The following DUSP22 variants were observed in gnomAD, a reference collection of about 807,000 sequenced individuals.
DUSP22 encodes the protein dual specificity protein phosphatase 22.
DUSP22 carries 24 observed loss-of-function variants against 24.5 expected under a neutral mutation model. The observed-to-expected ratio is 0.98, with a 90% CI of 0.71 to 1.38. DUSP22 has a LOEUF of 1.38. DUSP22 is among the 40% of genes most tolerant of loss of function. DUSP22 has a pLI of 0.00. For synonymous variants in DUSP22, 160 were observed against 106.4 expected (o/e 1.50, Z -3.10); for missense variants, 330 against 269.2 (o/e 1.23, Z -1.58).
In DUSP22 at chr6:348,113, G is replaced by A. The variant is rs759847282; in HGVS notation, c.274G>A (p.Val92Ile). 14 of 1,614,114 alleles carry A rather than the reference G, an allele frequency of 8.7e-6. No homozygotes were observed. The African/African-American group carries it at 1.3e-4, about 15-fold the overall frequency. ...CTCTTGGCCCCGCAGCCTGGCCGGG[G>A]TCTCCAGGAGCGTGACACTGGTGAT... is the stretch of plus-strand genomic sequence containing the variant. The part of the protein sequence containing the change: ...ESCLVHCLAG[V>I]SRSVTLVIAY... Residue 92 changes from valine (V) to isoleucine (I), a missense_variant, in exon 6 of 7, where the codon GTC (valine) becomes ATC (isoleucine). Val to Ile is a conservative substitution (Grantham distance 29). Coordinates refer to ENST00000419235, the MANE Select transcript of DUSP22 (RefSeq NM_001286555.3).
chr6:312,936 C>G lies in DUSP22; in HGVS notation c.138+974C>G, dbSNP rs549588835. ...CAATTAATTTCTCCAGATCTCCGAG[C>G]TCCTACTTCCTTGTATTGTTTAGCT... is the stretch of plus-strand genomic sequence containing the variant. On this transcript the variant is annotated intron_variant, in intron 3 of 6. Transcript: ENST00000419235. 4.6e-5 allele frequency among the ~76,000 whole-genome samples: 7 copies of G among 152,244 alleles called. No homozygotes were observed. In the East Asian group the frequency reaches 1.4e-3, roughly 29 times the overall value.
At chr6:311,179 G>A (rs1166256879) in intron 2 of DUSP22, among the ~76,000 whole-genome samples, 2 of 152,082 alleles carry the variant, frequency 1.3e-5, no homozygotes, top group African/African-American at 4.8e-5. Flanking sequence ...GAACTATGAT[G>A]TATGGCATTT....
At chr6:311,995 C>T in intron 3 of DUSP22, 33 bp downstream of exon 3, 1 of 1,597,024 alleles carries the variant, frequency 6.3e-7, no homozygotes, top group Non-Finnish European at 8.5e-7. Flanking sequence ...GTGTGGGTGT[C>T]CTCATTTGTA....
chr6:333,194 G>A (rs979223767), intron 3 of DUSP22, among the ~76,000 whole-genome samples: 8 of 152,306 alleles, frequency 5.3e-5, no homozygotes, highest in African/African-American at 1.7e-4. Flanking sequence ...ACAGAGACAG[G>A]AGGAGGCAAC....
chr6:327,325 C>T (rs1168776443), intron 3 of DUSP22, among the ~76,000 whole-genome samples: 7 of 152,308 alleles, frequency 4.6e-5, no homozygotes, highest in Non-Finnish European at 1.0e-4. Flanking sequence ...CCATTTACAG[C>T]TGGAGGAGAG....
chr6:328,406 A>AT (rs2127408843), intron 3 of DUSP22, among the ~76,000 whole-genome samples: 1 of 152,424 alleles, frequency 6.6e-6, no homozygotes, highest in East Asian at 1.9e-4. Context: ...TTGCACTGAA[A>AT]TATCTTGAAC....
At chr6:327,947 T>C (rs1758961582) in intron 3 of DUSP22, among the ~76,000 whole-genome samples, 1 of 152,296 alleles carries the variant, frequency 6.6e-6, no homozygotes, top group East Asian at 1.9e-4. Context: ...GGACAGATGC[T>C]GAAGCACTGT....
At chr6:304,529 T>C in intron 1 of DUSP22, 99 bp from the exon 2 acceptor site, 1 of 1,559,424 alleles carries the variant, frequency 6.4e-7, no homozygotes, top group Non-Finnish European at 8.8e-7. Flanking sequence ...GGGAAGCACC[T>C]GGCCTTTGCA....
At chr6:327,127 C>T (rs949001379) in intron 3 of DUSP22, among the ~76,000 whole-genome samples, 8 of 152,430 alleles carry the variant, frequency 5.2e-5, no homozygotes, top group East Asian at 1.9e-4. Context: ...CCCTGGGCTT[C>T]GCTGTTGGGC....
chr6:320,534 T>G (rs1177211353), intron 3 of DUSP22, among the ~76,000 whole-genome samples: 1 of 152,306 alleles, frequency 6.6e-6, no homozygotes, highest in East Asian at 1.9e-4. Flanking sequence ...GTAGTGTGCA[T>G]AGACACCACT....
intron 3 of DUSP22, among the ~76,000 whole-genome samples, chr6:313,494 G>A (rs1370984586): frequency 6.6e-6 from 1 of 152,308 alleles, no homozygotes; most frequent in Non-Finnish European, 1.5e-5. Context: ...AGAGCTGTGG[G>A]CAAACTGTGT....
intron 1 of DUSP22, among the ~76,000 whole-genome samples, chr6:298,362 A>T (rs1201313849): frequency 6.6e-6 from 1 of 152,302 alleles, no homozygotes; most frequent in Non-Finnish European, 1.5e-5. Context: ...CCTTTCTGAC[A>T]TAGAAAGAAT....
At chr6:315,129 A>G (rs868819741) in intron 3 of DUSP22, among the ~76,000 whole-genome samples, 45 of 152,382 alleles carry the variant, frequency 3.0e-4, no homozygotes, top group African/African-American at 1.0e-3. Context: ...AAAAAGGCCT[A>G]TGTCTCCAAT....
At chr6:339,169 C>T (rs1244945624) in intron 4 of DUSP22, among the ~76,000 whole-genome samples, 2 of 152,312 alleles carry the variant, frequency 1.3e-5, no homozygotes, top group African/African-American at 4.8e-5. Flanking sequence ...GTATCAAATG[C>T]ACACACTGCG....
At position 348,243 on chromosome 6, in the gene DUSP22, T is replaced by C. The variant is rs765198096; in HGVS notation, c.404T>C (p.Leu135Pro). Residue 135 changes from leucine (L) to proline (P), a missense_variant, in exon 6 of 7, where the codon CTC (leucine) becomes CCC (proline). Physicochemically the swap from Leu to Pro is moderately conservative, Grantham distance 98 (BLOSUM62 -3). Coordinates refer to ENST00000419235, the MANE Select transcript of DUSP22 (RefSeq NM_001286555.3). Reference sequence around the variant, plus strand: ...CCCAACGTGGGCTTCCAGAGACAGCTCCAGGAGTTTGAGAAGCATGAGGTC... The same window carrying C: ...CCCAACGTGGGCTTCCAGAGACAGCCCCAGGAGTTTGAGAAGCATGAGGTC... ...ANPNVGFQRQ[L>P]QEFEKHEVHQ... is the part of the protein sequence containing the mutation. 4 of 1,614,312 alleles carry C rather than the reference T, an allele frequency of 2.5e-6. No homozygotes were observed. The South Asian group carries it at 4.4e-5, about 18-fold the overall frequency.
intron 1 of DUSP22, among the ~76,000 whole-genome samples, chr6:300,682 G>A (rs927192841): frequency 1.3e-5 from 2 of 152,302 alleles, no homozygotes; most frequent in Non-Finnish European, 2.9e-5. Flanking sequence ...GGTAGGTCTC[G>A]GTACTAGAGG....
Position 349,631 on chromosome 6 carries a change from G to A in DUSP22, c.*680G>A, listed in dbSNP as rs1410448403. The A allele has an allele frequency of 2.0e-6, 2 of 987,326 alleles. No individual in the cohort carries two copies. Among genetic ancestry groups the A allele is most frequent in the African/African-American group, 1.7e-5 (1 of 57,422 alleles). The allele number at this position is 987,326 out of a possible 1,614,324, so 61.2% of individuals were successfully genotyped here. On this transcript the variant is annotated 3_prime_UTR_variant, in exon 7 of 7. Transcript: ENST00000419235. ...GTGGCTCTGGGGCCCTGGAAAACGT[G>A]AGAGACTGCCCTGAGCTGGTCCAGT...
chr6:327,540 G>T (rs893866748), intron 3 of DUSP22, among the ~76,000 whole-genome samples: 2 of 152,302 alleles, frequency 1.3e-5, no homozygotes, highest in Non-Finnish European at 2.9e-5. Flanking sequence ...GATAGATGAT[G>T]ACCACAGCCG....
chr6:334,980 C>A lies in DUSP22; in HGVS notation c.139-134C>A, dbSNP rs1759297883. On this transcript the variant is annotated intron_variant, in intron 3 of 6. Coordinates refer to ENST00000419235, the MANE Select transcript of DUSP22 (RefSeq NM_001286555.3). ...AATTAGTTTTTCTGCAGTTCCTTGG[C>A]AACAAAAGATGAGTGAAAAACTTCT... The A allele has an allele frequency of 7.6e-6, 8 of 1,056,274 alleles. No individual in the cohort carries two copies. In the South Asian group the frequency reaches 1.3e-4, roughly 17 times the overall value. 65.4% of individuals were successfully genotyped at this position (1,056,274 alleles called of 1,614,324 possible).
Sources: gnomAD v4.1 joint callset for allele counts (sites outside exome capture counted in the v4.1 genomes callset) on GRCh38, gnomAD v4.1.1 for gene constraint, MANE v1.5 for transcripts, NCBI Gene and HGNC (gene_info 2026-07-23, HGNC 2026-07-21) for gene names.